PIBF1: variants seen among roughly 807,000 people sequenced by gnomAD.
PIBF1 encodes the protein progesterone immunomodulatory binding factor 1.
Under a neutral mutation model 112.5 loss-of-function variants are expected in PIBF1, and 90 were observed. That is an observed-to-expected ratio of 0.80 (90% CI 0.67 to 0.95). The LOEUF is 0.95. Among genes scored for constraint, PIBF1 ranks in the 40% least tolerant of loss-of-function variants. The probability of loss-of-function intolerance (pLI) is 0.00; values close to 1 mark genes in which losing one functional copy is unlikely to be tolerated. For synonymous variants in PIBF1, 301 were observed against 288.6 expected (o/e 1.04, Z -0.44); for missense variants, 915 against 852.3 (o/e 1.07, Z -0.92).
rs17089760 is a variant in PIBF1 at position 72,792,522 on chromosome 13, T to C, written c.328T>C (p.Leu110=). 1.9e-6 allele frequency: 3 copies of C among 1,560,444 alleles called. No individual in the cohort carries two copies. The highest frequency in any genetic ancestry group is 2.3e-5 in the East Asian group (1 of 42,560). The change falls in exon 3 of 18, where the codon TTG becomes CTG. Residue 110 remains leucine, a synonymous_variant. Coordinates refer to ENST00000326291, the MANE Select transcript of PIBF1 (RefSeq NM_006346.4). ...ACTAACATTGAGATTAGACAACCAA[T>C]TGGCTTTTCAACAGAAAGATGCCAG... ...QLLTLRLDNQ[L]AFQQKDASKY...
At chr13:72,852,441 C>T (rs946694983) in intron 9 of PIBF1, among the ~76,000 whole-genome samples, 3 of 152,192 alleles carry the variant, frequency 2.0e-5, no homozygotes, top group Admixed American at 6.5e-5. Context: ...GACTTGCTCA[C>T]GCACCCCTTG....
At chr13:72,949,698 G>GTTGTGTAT (rs2042247561) in intron 14 of PIBF1, among the ~76,000 whole-genome samples, 2 of 152,100 alleles carry the variant, frequency 1.3e-5, no homozygotes, top group South Asian at 4.1e-4. Flanking sequence ...CCAAATATAT[G>GTTGTGTAT]TTGTGTATTT....
At chr13:72,801,510 G>A (rs563729554) in intron 5 of PIBF1, among the ~76,000 whole-genome samples, 2 of 152,040 alleles carry the variant, frequency 1.3e-5, no homozygotes, top group Non-Finnish European at 2.9e-5. Context: ...ACCTTACATG[G>A]TGCTATTTTC....
chr13:72,943,679 G>C (rs2042071329), intron 14 of PIBF1, among the ~76,000 whole-genome samples: 1 of 152,074 alleles, frequency 6.6e-6, no homozygotes, highest in South Asian at 2.1e-4. Flanking sequence ...TTCACTTGCT[G>C]TCTCCTCCCA....
intron 14 of PIBF1, among the ~76,000 whole-genome samples, chr13:72,962,247 AG>A (rs1433200602): frequency 6.6e-6 from 1 of 152,180 alleles, no homozygotes; most frequent in Admixed American, 6.5e-5. Flanking sequence ...AATTGTATAT[AG>A]TACACTAGCA....
intron 16 of PIBF1, 108 bp from the exon 17 acceptor site, chr13:72,998,714 G>A: frequency 2.9e-6 from 2 of 688,796 alleles, no homozygotes; most frequent in Non-Finnish European, 2.5e-6. Flanking sequence ...CAACTTATGT[G>A]TGTAGTATAA....
At chr13:72,869,713 A>G (rs1282554061) in intron 10 of PIBF1, among the ~76,000 whole-genome samples, 1 of 152,020 alleles carries the variant, frequency 6.6e-6, no homozygotes, top group Admixed American at 6.6e-5. Flanking sequence ...ATTCTTATGT[A>G]TGAGTTTTCA....
At chr13:72,940,958 G>C (rs1394628742) in intron 14 of PIBF1, among the ~76,000 whole-genome samples, 1 of 152,124 alleles carries the variant, frequency 6.6e-6, no homozygotes, top group African/African-American at 2.4e-5. Context: ...TCAGAGTTCT[G>C]TCTCTTTGCA....
chr13:72,804,345 C>T (rs2035621855), intron 5 of PIBF1, among the ~76,000 whole-genome samples: 1 of 152,030 alleles, frequency 6.6e-6, no homozygotes, highest in South Asian at 2.1e-4. Context: ...ACATGGGAAC[C>T]TTCAGAAATG....
At position 72,844,791 on chromosome 13, in the gene PIBF1, A is replaced by ACACACACG. The variant is rs1566348761; in HGVS notation, c.1224-9259_1224-9258insGCACACAC. On this transcript the variant is annotated intron_variant, in intron 9 of 17. Transcript: ENST00000326291. The stretch of plus-strand genomic sequence containing the variant: ...CACACACACACACACACACACACAC[A>ACACACACG]CACACACACGGATGAAGTCTTACTG... Among the ~76,000 whole-genome samples, 12 of 131,128 alleles carry ACACACACG rather than the reference A, an allele frequency of 9.2e-5. 1 individual carries two copies. Among genetic ancestry groups the ACACACACG allele is most frequent in the African/African-American group, 2.9e-4 (10 of 34,600 alleles). 86.0% of individuals were successfully genotyped at this position (131,128 alleles called of 152,430 possible).
At chr13:72,821,243 A>G (rs1048664618) in intron 5 of PIBF1, among the ~76,000 whole-genome samples, 3 of 152,150 alleles carry the variant, frequency 2.0e-5, no homozygotes, top group Non-Finnish European at 2.9e-5. Context: ...CTTGTGACCA[A>G]CTTTAAGGTT....
intron 16 of PIBF1, among the ~76,000 whole-genome samples, chr13:72,975,866 A>G (rs899991153): frequency 1.3e-5 from 2 of 152,194 alleles, no homozygotes; most frequent in African/African-American, 4.8e-5. Context: ...TTGAAATTAA[A>G]TATTTAAGAG....
intron 13 of PIBF1, among the ~76,000 whole-genome samples, chr13:72,922,601 G>T (rs371191566): frequency 6.6e-6 from 1 of 152,024 alleles, no homozygotes; most frequent in South Asian, 2.1e-4. Flanking sequence ...AGATTACTGC[G>T]TACTATAGTT....
chr13:72,975,962 A>G (rs961277602), intron 16 of PIBF1, among the ~76,000 whole-genome samples: 1 of 152,160 alleles, frequency 6.6e-6, no homozygotes, highest in Admixed American at 6.5e-5. Context: ...GGCAATTCTC[A>G]TTTGATTTTA....
chr13:72,784,955 CT>C (rs986488170), intron 2 of PIBF1, among the ~76,000 whole-genome samples: 10 of 152,034 alleles, frequency 6.6e-5, no homozygotes, highest in African/African-American at 2.4e-4. Flanking sequence ...TCACTGCAAC[CT>C]CCACCTCTTG....
intron 10 of PIBF1, among the ~76,000 whole-genome samples, chr13:72,864,355 TACTA>T (rs971219063): frequency 6.6e-5 from 10 of 152,322 alleles, no homozygotes; most frequent in African/African-American, 2.4e-4. Context: ...ATGTAAGTGT[TACTA>T]GAAAAAGAAC....
At chr13:72,902,589 T>G (rs558798292) in intron 11 of PIBF1, among the ~76,000 whole-genome samples, 1 of 152,284 alleles carries the variant, frequency 6.6e-6, no homozygotes, top group Admixed American at 6.5e-5. Flanking sequence ...TAAAGGAATT[T>G]TATCTAAGGA....
chr13:72,958,309 CAAAAAAAAAAAAA>C (rs71799519), intron 14 of PIBF1, among the ~76,000 whole-genome samples: 3 of 68,746 alleles, frequency 4.4e-5, no homozygotes, highest in Non-Finnish European at 8.3e-5. Flanking sequence ...GACCCTATCT[CAAAAAAAAAAAAA>C]AAAAAAAAAA....
At chr13:72,905,840 T>C (rs1236453126) in intron 11 of PIBF1, among the ~76,000 whole-genome samples, 1 of 152,180 alleles carries the variant, frequency 6.6e-6, no homozygotes, top group Non-Finnish European at 1.5e-5. Flanking sequence ...AAAACACCTT[T>C]CTAAAAAATG....
Sources: allele counts gnomAD v4.1 joint callset (sites outside exome capture counted in the v4.1 genomes callset), GRCh38; gene constraint gnomAD v4.1.1; transcripts MANE v1.5; gene names NCBI Gene and HGNC (gene_info 2026-07-23, HGNC 2026-07-21).